MAGI2: variants seen among roughly 807,000 people sequenced by gnomAD.
MAGI2 encodes membrane-associated guanylate kinase, WW and PDZ domain-containing protein 2.
MAGI2 carries 35 observed loss-of-function variants against 133.3 expected under a neutral mutation model. The ratio of observed to expected loss-of-function variants is 0.26; its 90% CI spans 0.20 to 0.35. MAGI2 has a LOEUF of 0.35. MAGI2 is among the 10% of genes least tolerant of loss of function. The probability of loss-of-function intolerance (pLI) is 1.00; values close to 1 mark genes in which losing one functional copy is unlikely to be tolerated. For missense variants in MAGI2, 1,636 were observed against 1,863.4 expected, an observed-to-expected ratio of 0.88 and a Z score of 2.25; for synonymous variants, 729 against 710.6, an observed-to-expected ratio of 1.03 and a Z score of -0.41.
chr7:79,251,031 C>A (rs186783377), intron 1 of MAGI2, among the ~76,000 whole-genome samples: 40 of 152,240 alleles, frequency 2.6e-4, no homozygotes, highest in African/African-American at 8.4e-4. Flanking sequence ...AGCTGGATAT[C>A]CATATGCAGA....
intron 21 of MAGI2, among the ~76,000 whole-genome samples, chr7:78,060,439 T>C (rs962665685): frequency 9.2e-5 from 14 of 152,408 alleles, no homozygotes; most frequent in African/African-American, 2.9e-4. Context: ...TCTTTCTTGT[T>C]GTCCTCAATC....
chr7:78,421,988 G>A (rs1338869261), intron 6 of MAGI2, among the ~76,000 whole-genome samples: 2 of 152,138 alleles, frequency 1.3e-5, no homozygotes, highest in Non-Finnish European at 2.9e-5. Flanking sequence ...CTGAAAGTGG[G>A]AAATTTCAAA....
chr7:78,165,684 C>G (rs1375348216), intron 15 of MAGI2, among the ~76,000 whole-genome samples: 1 of 152,170 alleles, frequency 6.6e-6, no homozygotes, highest in East Asian at 1.9e-4. Flanking sequence ...CACTTCCCCT[C>G]AGCTTGGAAC....
rs550179759 is a variant in MAGI2, at chr7:79,061,046, G to T, written c.302-53840C>A. ...TAGCAAATATACTGTTGACTAATCA[G>T]GAGGCTTTAAGTGATATTTGCATAA... On this transcript the variant is annotated intron_variant, in intron 1 of 21. Transcript: ENST00000354212. 3.3e-5 allele frequency among the ~76,000 whole-genome samples: 5 copies of T among 152,172 alleles called. No homozygotes were observed. In the South Asian group the frequency reaches 1.0e-3, roughly 32 times the overall value.
At chr7:78,601,530 AT>A (rs1805210334) in intron 3 of MAGI2, among the ~76,000 whole-genome samples, 1 of 152,194 alleles carries the variant, frequency 6.6e-6, no homozygotes, top group Admixed American at 6.5e-5. Flanking sequence ...ACCTCAGGAA[AT>A]TTTGGTTGTT....
intron 2 of MAGI2, among the ~76,000 whole-genome samples, chr7:78,876,903 AGT>A: frequency 2.1e-5 from 1 of 48,778 alleles, no homozygotes; most frequent in East Asian, 4.8e-4. Context: ...TTTATTTATA[AGT>A]GTGGACTTAC....
chr7:78,638,311 G>A (rs1809897095), intron 2 of MAGI2, among the ~76,000 whole-genome samples: 1 of 152,118 alleles, frequency 6.6e-6, no homozygotes, highest in Non-Finnish European at 1.5e-5. Context: ...ACAAACTAGG[G>A]CAAAGTGAAT....
chr7:79,262,286 A>T (rs1402133391), intron 1 of MAGI2, among the ~76,000 whole-genome samples: 1 of 152,184 alleles, frequency 6.6e-6, no homozygotes, highest in Admixed American at 6.6e-5. Flanking sequence ...GTGACATTTT[A>T]GAGGACCTAG....
chr7:79,266,418 T>C (rs1834462378), intron 1 of MAGI2, among the ~76,000 whole-genome samples: 1 of 152,200 alleles, frequency 6.6e-6, no homozygotes, highest in African/African-American at 2.4e-5. Flanking sequence ...AATTACTTTA[T>C]AACCAACCCT....
intron 2 of MAGI2, among the ~76,000 whole-genome samples, chr7:78,933,379 A>G (rs1015766684): frequency 6.6e-5 from 10 of 152,196 alleles, no homozygotes; most frequent in Admixed American, 4.6e-4. Flanking sequence ...AAGATTTCCC[A>G]GAAGAGTTTG....
At chr7:78,704,955 G>GT (rs1170866948) in intron 2 of MAGI2, among the ~76,000 whole-genome samples, 8 of 151,834 alleles carry the variant, frequency 5.3e-5, no homozygotes, top group African/African-American at 1.9e-4. Flanking sequence ...TAAACACTGA[G>GT]TACATGTGGA....
At chr7:78,054,464 A>T (rs1192014245) in intron 21 of MAGI2, among the ~76,000 whole-genome samples, 2 of 151,946 alleles carry the variant, frequency 1.3e-5, no homozygotes, top group Non-Finnish European at 2.9e-5. Flanking sequence ...TGAAGACTGG[A>T]GAGGCAGGAA....
rs568643838 is a variant in MAGI2, at chr7:78,915,645, C to T, written c.418+91445G>A. Among the ~76,000 whole-genome samples the T allele has an allele frequency of 3.0e-4, 45 of 151,304 alleles. No homozygotes were observed. The East Asian group carries it at 5.1e-3, about 17-fold the overall frequency. ...CTAAAGTATCATATAGCTGGGCTTT[C>T]GTAATTTTTTTTTTGTTTTATTTTG... On this transcript the variant is annotated intron_variant, in intron 2 of 21. Coordinates refer to ENST00000354212, the MANE Select transcript of MAGI2 (RefSeq NM_012301.4).
At chr7:78,972,210 T>TA (rs756669386) in intron 2 of MAGI2, among the ~76,000 whole-genome samples, 2 of 151,860 alleles carry the variant, frequency 1.3e-5, no homozygotes, top group Non-Finnish European at 2.9e-5. Flanking sequence ...ATCACTGATT[T>TA]AAAAAATGCA....
intron 6 of MAGI2, among the ~76,000 whole-genome samples, chr7:78,449,659 C>T (rs937698447): frequency 4.6e-5 from 7 of 151,994 alleles, no homozygotes; most frequent in African/African-American, 7.3e-5. Flanking sequence ...CCTATCTGAA[C>T]GCGTGTGGCT....
At chr7:78,393,885 C>T (rs945957633) in intron 6 of MAGI2, among the ~76,000 whole-genome samples, 2 of 152,150 alleles carry the variant, frequency 1.3e-5, no homozygotes, top group Non-Finnish European at 2.9e-5. Context: ...GTAAGTGTGA[C>T]ATTTCTTCGG....
At chr7:78,368,719 T>C (rs183465902) in intron 7 of MAGI2, among the ~76,000 whole-genome samples, 84 of 152,192 alleles carry the variant, frequency 5.5e-4, no homozygotes, top group African/African-American at 1.8e-3. Flanking sequence ...TGATTTGGAA[T>C]GAGGTCCCAA....
chr7:79,345,924 G>A (rs1342893235), intron 1 of MAGI2, among the ~76,000 whole-genome samples: 1 of 151,970 alleles, frequency 6.6e-6, no homozygotes, highest in African/African-American at 2.4e-5. Flanking sequence ...AATGTGAAGA[G>A]GCGTATTAAA....
At chr7:78,288,318 A>C (rs2151031914) in intron 9 of MAGI2, among the ~76,000 whole-genome samples, 1 of 152,346 alleles carries the variant, frequency 6.6e-6, no homozygotes, top group African/African-American at 2.4e-5. Flanking sequence ...TTCTAAATTT[A>C]ATCGCTTATT....
Sources: gnomAD v4.1 joint callset for allele counts (sites outside exome capture counted in the v4.1 genomes callset) on GRCh38, gnomAD v4.1.1 for gene constraint, MANE v1.5 for transcripts, NCBI Gene and HGNC (gene_info 2026-07-23, HGNC 2026-07-21) for gene names.